Variants in CAMK4 observed in about 807,000 individuals in gnomAD.
CAMK4 encodes calcium/calmodulin dependent protein kinase IV.
CAMK4 carries 22 observed loss-of-function variants against 44.9 expected under a neutral mutation model. The observed-to-expected ratio is 0.49, with a 90% confidence interval of 0.35 to 0.70. The LOEUF (loss-of-function observed/expected upper bound fraction) is 0.70. Among genes scored for constraint, CAMK4 ranks in the 30% least tolerant of loss-of-function variants. The pLI is 0.01. For synonymous variants in CAMK4, 218 were observed against 215.4 expected (o/e 1.01, Z -0.11); for missense variants, 498 against 586.8 (o/e 0.85, Z 1.56).
intron 5 of CAMK4, among the ~76,000 whole-genome samples, chr5:111,400,928 C>T (rs1053333382): frequency 6.6e-6 from 1 of 152,134 alleles, no homozygotes; most frequent in Non-Finnish European, 1.5e-5. Context: ...GCTGCCACCA[C>T]CTTCAGTTCT....
chr5:111,224,512 C>G lies in CAMK4; in HGVS notation c.29C>G (p.Ser10Cys), dbSNP rs761462897. Residue 10 changes from serine to cysteine, a missense_variant, in exon 1 of 11, where the codon TCC becomes TGC. Transcript: ENST00000282356. The surrounding 1 kb of genome is among the most constrained non-coding windows in gnomAD (Gnocchi z 5.7). Reference sequence around the variant, plus strand: ...CTCAAAGTCACGGTGCCCTCCTGCTCCGCCTCGTCCTGCTCTTCGGTCACC... The same window carrying G: ...CTCAAAGTCACGGTGCCCTCCTGCTGCGCCTCGTCCTGCTCTTCGGTCACC... MLKVTVPSC[S>C]ASSCSSVTAS... The G allele has an allele frequency of 6.2e-7, 1 of 1,610,438 alleles. No individual in the cohort carries two copies. The highest frequency in any genetic ancestry group is 1.3e-5 in the African/African-American group (1 of 74,792).
chr5:111,397,437 A>C (rs1385131563), intron 5 of CAMK4, among the ~76,000 whole-genome samples: 1 of 152,196 alleles, frequency 6.6e-6, no homozygotes, highest in Admixed American at 6.5e-5. Context: ...CTTACTCCCC[A>C]GCTAAGTACA....
At chr5:111,354,082 A>T (rs1367569838) in intron 2 of CAMK4, among the ~76,000 whole-genome samples, 1 of 152,128 alleles carries the variant, frequency 6.6e-6, no homozygotes, top group Non-Finnish European at 1.5e-5. Context: ...ATGAATGAGA[A>T]AATGTGGTAT....
At chr5:111,460,131 A>T (rs138447289) in intron 7 of CAMK4, among the ~76,000 whole-genome samples, 7 of 152,300 alleles carry the variant, frequency 4.6e-5, no homozygotes, top group Admixed American at 4.6e-4. Context: ...GTTCCACTTT[A>T]AAATGTTATT....
rs1748116307 is a variant in CAMK4, at chr5:111,224,980, A to G, written c.161+336A>G. Among the ~76,000 whole-genome samples the G allele has an allele frequency of 1.3e-5, 2 of 151,978 alleles. No homozygotes were observed. Among genetic ancestry groups the G allele is most frequent in the Non-Finnish European group, 2.9e-5 (2 of 67,996 alleles). On this transcript the variant is annotated intron_variant, in intron 1 of 10. Coordinates refer to ENST00000282356, the MANE Select transcript of CAMK4 (RefSeq NM_001744.6). The surrounding 1 kb of genome is among the most constrained non-coding windows in gnomAD (Gnocchi z 5.7). The stretch of plus-strand genomic sequence containing the variant: ...TCTTTGCTCACGATTATAGCTTGCC[A>G]GAGGGTCCTGTTTGTCTAGTTATTG...
chr5:111,345,374 A>T (rs1012243130), intron 2 of CAMK4, among the ~76,000 whole-genome samples: 15 of 151,920 alleles, frequency 9.9e-5, no homozygotes, highest in African/African-American at 3.4e-4. Context: ...GATTGATAAG[A>T]TTTGGAATTT....
At chr5:111,454,670 A>G (rs1376157438) in intron 7 of CAMK4, among the ~76,000 whole-genome samples, 2 of 151,842 alleles carry the variant, frequency 1.3e-5, no homozygotes, top group Admixed American at 6.6e-5. Flanking sequence ...AAAAGAAAAA[A>G]TCGATCAGGC....
chr5:111,261,471 AGCCTCAT>A (rs1749972545), intron 1 of CAMK4, among the ~76,000 whole-genome samples: 1 of 152,068 alleles, frequency 6.6e-6, no homozygotes, highest in African/African-American at 2.4e-5. Flanking sequence ...TTTCGAGGAT[AGCCTCAT>A]GTAATCACAA....
intron 5 of CAMK4, among the ~76,000 whole-genome samples, chr5:111,396,450 G>T (rs1307534146): frequency 2.0e-5 from 3 of 151,790 alleles, no homozygotes; most frequent in African/African-American, 7.3e-5. Context: ...TCCTAGGTTT[G>T]CACACTAGGT....
chr5:111,392,344 A>G (rs147904168), intron 4 of CAMK4, among the ~76,000 whole-genome samples: 1 of 152,172 alleles, frequency 6.6e-6, no homozygotes, highest in Non-Finnish European at 1.5e-5. Context: ...CAACTATAAG[A>G]TCTCATGACA....
chr5:111,243,266 C>A (rs1428332964), intron 1 of CAMK4, among the ~76,000 whole-genome samples: 1 of 152,122 alleles, frequency 6.6e-6, no homozygotes, highest in Admixed American at 6.5e-5. Flanking sequence ...TAAGAGGAAA[C>A]ATCGGTGATA....
chr5:111,283,248 C>G (rs1480465360), intron 1 of CAMK4, among the ~76,000 whole-genome samples: 2 of 152,140 alleles, frequency 1.3e-5, no homozygotes, highest in Non-Finnish European at 2.9e-5. Context: ...TAAACTGACA[C>G]CCTTATTGGA....
chr5:111,405,101 G>A (rs148867577), intron 5 of CAMK4, among the ~76,000 whole-genome samples: 37 of 152,298 alleles, frequency 2.4e-4, no homozygotes, highest in African/African-American at 8.2e-4. Flanking sequence ...GAGGGAATAC[G>A]CTATTTGATG....
At position 111,473,364 on chromosome 5, in the gene CAMK4, G is replaced by C. The variant is rs747837965; in HGVS notation, c.679G>C (p.Val227Leu). 6.2e-7 allele frequency: 1 copy of C among 1,610,292 alleles called. No homozygotes were observed. The highest frequency in any genetic ancestry group is 8.5e-7 in the Non-Finnish European group (1 of 1,176,834). The change falls in exon 8 of 11, where the codon GTA becomes CTA. Residue 227 changes from valine (V) to leucine (L), a missense_variant. This residue lies in a region of CAMK4 where 203 missense variants were observed against 298.2 expected (regional missense o/e 0.68). Transcript: ENST00000282356. ...AYGPEVDMWSVGIITYILLCG... is the reference protein window; with the variant it reads ...AYGPEVDMWSLGIITYILLCG... The stretch of plus-strand genomic sequence containing the variant: ...TGGACCTGAGGTGGACATGTGGTCT[G>C]TAGGAATAATCACCTACATCTTGTA...
intron 1 of CAMK4, among the ~76,000 whole-genome samples, chr5:111,309,076 C>CT (rs1007408242): frequency 2.7e-4 from 41 of 152,156 alleles, no homozygotes; most frequent in African/African-American, 9.4e-4. Flanking sequence ...ATCTTAGAGT[C>CT]TTTGAGTTCA....
chr5:111,450,665 G>A (rs1320370222), intron 7 of CAMK4, among the ~76,000 whole-genome samples: 1 of 148,246 alleles, frequency 6.7e-6, no homozygotes, highest in Non-Finnish European at 1.5e-5. Flanking sequence ...GCAGGTGCCT[G>A]TAATCCCAGC....
intron 6 of CAMK4, among the ~76,000 whole-genome samples, chr5:111,448,131 T>C (rs770328464): frequency 3.9e-5 from 6 of 152,238 alleles, no homozygotes; most frequent in African/African-American, 7.2e-5. Context: ...GGTTTCCTGA[T>C]GTTTCCTGAG....
In CAMK4 at chr5:111,224,435, GGGCAGC is replaced by G; in HGVS notation, c.-45_-40del. 6.5e-7 allele frequency: 1 copy of G among 1,534,486 alleles called. No homozygotes were observed. Among genetic ancestry groups the G allele is most frequent in the Non-Finnish European group, 8.7e-7 (1 of 1,143,976 alleles). On this transcript the variant is annotated 5_prime_UTR_variant, in exon 1 of 11. Coordinates refer to ENST00000282356, the MANE Select transcript of CAMK4 (RefSeq NM_001744.6). The surrounding 1 kb of genome is among the most constrained non-coding windows in gnomAD (Gnocchi z 5.7). ...GCGGCTGGCGGCCGGCTTCTCGCTC[GGGCAGC>G]GGCGGCGGCGGCGGCGGCGGCTTCC... is the stretch of plus-strand genomic sequence containing the variant.
intron 1 of CAMK4, among the ~76,000 whole-genome samples, chr5:111,251,867 T>G (rs1225159859): frequency 6.6e-6 from 1 of 151,364 alleles, no homozygotes; most frequent in Non-Finnish European, 1.5e-5. Flanking sequence ...TATGTGACTT[T>G]GTGGTATTGT....
Sources: gnomAD v4.1 joint callset for allele counts (sites outside exome capture counted in the v4.1 genomes callset) on GRCh38, gnomAD v4.1.1 for gene constraint, gnomAD v4.1.1 regional missense constraint, Gnocchi (gnomAD v3.1) non-coding constraint, MANE v1.5 for transcripts, NCBI Gene and HGNC (gene_info 2026-07-23, HGNC 2026-07-21) for gene names.